Variants in BMPR1B observed in about 807,000 individuals in gnomAD.
BMPR1B encodes the protein bone morphogenetic protein receptor type 1B.
BMPR1B carries 12 observed loss-of-function variants against 59.1 expected under a neutral mutation model. The ratio of observed to expected loss-of-function variants is 0.20; its 90% CI spans 0.13 to 0.33. The LOEUF is 0.33. Ranked by LOEUF, BMPR1B falls within the 10% of genes least tolerant of loss-of-function variation. The probability of loss-of-function intolerance (pLI) is 1.00; values close to 1 mark genes in which losing one functional copy is unlikely to be tolerated. For missense variants in BMPR1B, 550 were observed against 610.9 expected (o/e 0.90, Z 1.05); for synonymous variants, 237 against 207.3 (o/e 1.14, Z -1.23).
At chr4:94,837,705 G>C (rs1466797614) in intron 1 of BMPR1B, among the ~76,000 whole-genome samples, 20 of 136,252 alleles carry the variant, frequency 1.5e-4, no homozygotes, top group South Asian at 2.5e-4. Context: ...CATCTGCAAA[G>C]AGGGACAATT....
chr4:95,014,853 T>C (rs1560596362), intron 3 of BMPR1B, among the ~76,000 whole-genome samples: 1 of 152,188 alleles, frequency 6.6e-6, no homozygotes, highest in Non-Finnish European at 1.5e-5. Flanking sequence ...AACACTCTGC[T>C]AAGAACGAAA....
At chr4:94,813,647 G>A (rs1210997439) in intron 1 of BMPR1B, among the ~76,000 whole-genome samples, 1 of 152,194 alleles carries the variant, frequency 6.6e-6, no homozygotes, top group East Asian at 1.9e-4. Context: ...CATCATCTAA[G>A]TTGTAAAAGG....
chr4:94,949,075 C>T (rs1729829480), intron 2 of BMPR1B, among the ~76,000 whole-genome samples: 3 of 152,144 alleles, frequency 2.0e-5, no homozygotes, highest in Admixed American at 6.5e-5. Context: ...CTGCACCCAT[C>T]AACCCGCCAT....
Position 95,154,897 on chromosome 4 carries a change from T to G in BMPR1B, c.*224T>G. On this transcript the variant is annotated 3_prime_UTR_variant, in exon 13 of 13. Transcript: ENST00000515059. ...TCTGTTTGTAGGACGGAGAAACCGC[T>G]TGGGTAACTTGTTCAAGATATGATG... The G allele has an allele frequency of 1.8e-6, 1 of 556,322 alleles. No homozygotes were observed. The highest frequency in any genetic ancestry group is 3.2e-6 in the Non-Finnish European group (1 of 316,570). The allele number at this position is 556,322 out of a possible 1,614,324, so 34.5% of individuals were successfully genotyped here. A position where few individuals can be genotyped will look rare whatever the true frequency, so the allele number is the denominator to read the frequency against.
At chr4:95,075,894 C>T (rs1728670837) in intron 3 of BMPR1B, among the ~76,000 whole-genome samples, 1 of 152,086 alleles carries the variant, frequency 6.6e-6, no homozygotes, top group Non-Finnish European at 1.5e-5. Context: ...GCCTGATGTC[C>T]ATTCTTTTTT....
chr4:94,783,424 T>C (rs1443662786), intron 1 of BMPR1B, among the ~76,000 whole-genome samples: 1 of 152,254 alleles, frequency 6.6e-6, no homozygotes, highest in African/African-American at 2.4e-5. Flanking sequence ...TTATTGTTTC[T>C]AGAGTACCCT....
intron 3 of BMPR1B, among the ~76,000 whole-genome samples, chr4:95,003,803 T>A (rs1722627533): frequency 7.8e-6 from 1 of 128,154 alleles, no homozygotes; most frequent in South Asian, 2.8e-4. Context: ...AAGTCCATCT[T>A]TTTTTTTTTT....
At chr4:95,055,337 CAAACA>C (rs1726838462) in intron 3 of BMPR1B, among the ~76,000 whole-genome samples, 1 of 151,960 alleles carries the variant, frequency 6.6e-6, no homozygotes, top group Non-Finnish European at 1.5e-5. Flanking sequence ...AGGAGGATAA[CAAACA>C]TGGCTGTGAA....
chr4:95,038,002 A>G (rs1725385424), intron 3 of BMPR1B, among the ~76,000 whole-genome samples: 1 of 152,144 alleles, frequency 6.6e-6, no homozygotes, highest in South Asian at 2.1e-4. Context: ...GTTAAGTGCT[A>G]TGGAGAAAAA....
chr4:95,023,538 T>A (rs535860386), intron 3 of BMPR1B, among the ~76,000 whole-genome samples: 1 of 116,636 alleles, frequency 8.6e-6, no homozygotes, highest in African/African-American at 3.7e-5. Context: ...TGTGCCACCA[T>A]GCCTGGCTAA....
chr4:94,760,074 T>C (rs188123877), intron 1 of BMPR1B, among the ~76,000 whole-genome samples: 65 of 152,350 alleles, frequency 4.3e-4, no homozygotes, highest in Non-Finnish European at 8.2e-4. Flanking sequence ...TCATTACTCA[T>C]GTGCTAGGGG....
intron 1 of BMPR1B, among the ~76,000 whole-genome samples, chr4:94,832,818 A>G (rs1462215652): frequency 1.3e-5 from 2 of 151,944 alleles, no homozygotes; most frequent in Admixed American, 1.3e-4. Context: ...AGTGCAGTGT[A>G]TTGGGAACAT....
intron 1 of BMPR1B, among the ~76,000 whole-genome samples, chr4:94,803,991 G>A (rs376256718): frequency 2.6e-4 from 40 of 152,180 alleles, no homozygotes; most frequent in African/African-American, 9.6e-4. Context: ...CCATTCTCCT[G>A]CCTCAGCCTC....
intron 3 of BMPR1B, among the ~76,000 whole-genome samples, chr4:95,050,820 T>C (rs1369412529): frequency 6.6e-6 from 1 of 152,202 alleles, no homozygotes; most frequent in East Asian, 1.9e-4. Flanking sequence ...TCTTTCTTGG[T>C]GTTCTTTTAT....
At position 94,991,810 on chromosome 4, in the gene BMPR1B, A is replaced by C. The variant is rs901001885; in HGVS notation, c.-112-4230A>C. Reference sequence around the variant, plus strand: ...AGGGCTTTGATTAGAAGATGAAAGTAATCTGAGTGAGGTTTTTAAGTGACT... The same window carrying C: ...AGGGCTTTGATTAGAAGATGAAAGTCATCTGAGTGAGGTTTTTAAGTGACT... On this transcript the variant is annotated intron_variant, in intron 2 of 12. Coordinates refer to ENST00000515059, the MANE Select transcript of BMPR1B (RefSeq NM_001203.3). Among the ~76,000 whole-genome samples, 4 of 152,352 alleles carry C rather than the reference A, an allele frequency of 2.6e-5. No homozygotes were observed. In the East Asian group the frequency reaches 7.7e-4, roughly 29 times the overall value.
intron 7 of BMPR1B, among the ~76,000 whole-genome samples, chr4:95,124,494 C>G (rs900811831): frequency 3.3e-5 from 5 of 151,828 alleles, no homozygotes; most frequent in Non-Finnish European, 7.4e-5. Context: ...CAAATAAATT[C>G]ATTTCTAATT....
At chr4:94,940,113 G>C (rs1460348007) in intron 2 of BMPR1B, among the ~76,000 whole-genome samples, 1 of 152,118 alleles carries the variant, frequency 6.6e-6, no homozygotes, top group Admixed American at 6.5e-5. Flanking sequence ...AATAAAACAA[G>C]AATTGTCAGA....
chr4:94,909,265 T>C (rs1189657524), intron 2 of BMPR1B, among the ~76,000 whole-genome samples: 1 of 152,054 alleles, frequency 6.6e-6, no homozygotes, highest in Non-Finnish European at 1.5e-5. Flanking sequence ...ATTTCCTGTG[T>C]TCTGGGTGAG....
At chr4:94,872,399 A>G (rs888283822) in intron 1 of BMPR1B, among the ~76,000 whole-genome samples, 2 of 152,256 alleles carry the variant, frequency 1.3e-5, no homozygotes, top group African/African-American at 4.8e-5. Flanking sequence ...AGCCCCTATC[A>G]ATAGCACGTT....
Sources: gnomAD v4.1 joint callset for allele counts (sites outside exome capture counted in the v4.1 genomes callset) on GRCh38, gnomAD v4.1.1 for gene constraint, MANE v1.5 for transcripts, NCBI Gene and HGNC (gene_info 2026-07-23, HGNC 2026-07-21) for gene names.